Variants in LRP5 observed in about 807,000 individuals in gnomAD.
The protein encoded by LRP5 is low-density lipoprotein receptor-related protein 5.
A neutral mutation model predicts 154.1 loss-of-function variants in LRP5; 62 were observed. That is an observed-to-expected ratio of 0.40 (90% CI 0.33 to 0.50). LRP5 has a LOEUF of 0.50. LRP5 is among the 20% of genes least tolerant of loss of function. LRP5 has a pLI of 0.55. For missense variants in LRP5, 1,915 were observed against 2,336.7 expected, an observed-to-expected ratio of 0.82 and a Z score of 3.72; for synonymous variants, 966 against 1,011.5, an observed-to-expected ratio of 0.96 and a Z score of 0.85.
At chr11:68,332,836 A>G (rs2098603653) in intron 1 of LRP5, among the ~76,000 whole-genome samples, 1 of 152,020 alleles carries the variant, frequency 6.6e-6, no homozygotes, top group Admixed American at 6.5e-5. Flanking sequence ...TGGGATATAG[A>G]TGGTTCAGCC....
rs901824 is a variant in LRP5 at position 68,438,705 on chromosome 11, T to C, written c.4348+23T>C. On this transcript the variant is annotated intron_variant, in intron 20 of 22. Coordinates refer to ENST00000294304, the MANE Select transcript of LRP5 (RefSeq NM_002335.4). Reference sequence around the variant, plus strand: ...CAGGTAAGGAGCCTGAGATATGGAATGATCTGGAGGAGGCAGGAGAGTAGT... The same window carrying C: ...CAGGTAAGGAGCCTGAGATATGGAACGATCTGGAGGAGGCAGGAGAGTAGT... The C allele has an allele frequency of 0.086, 138,062 of 1,602,452 alleles. 6,438 individuals carry two copies. Among genetic ancestry groups the C allele is most frequent in the African/African-American group, 0.15 (11,273 of 74,890 alleles).
At chr11:68,409,254 TAAAATATATAATATA>T (rs1214325372) in intron 9 of LRP5, among the ~76,000 whole-genome samples, 2 of 140,562 alleles carry the variant, frequency 1.4e-5, no homozygotes, top group Non-Finnish European at 3.1e-5. Context: ...TAATATATAA[TAAAATATATAATATA>T]AAAATATATA....
chr11:68,397,248 C>T lies in LRP5; in HGVS notation c.1585-6235C>T, dbSNP rs568712953. Among the ~76,000 whole-genome samples the T allele has an allele frequency of 4.0e-3, 609 of 152,292 alleles. 8 individuals are homozygous for T. The highest frequency in any genetic ancestry group is 0.012 in the African/African-American group (498 of 41,578). Reference sequence around the variant, plus strand: ...CTCTGCCCTGCCCTTCTCCCCTCTACCCTGCCCTTCTCTCCTCTGCCCCGC... The same window carrying T: ...CTCTGCCCTGCCCTTCTCCCCTCTATCCTGCCCTTCTCTCCTCTGCCCCGC... On this transcript the variant is annotated intron_variant, in intron 7 of 22. Coordinates refer to ENST00000294304, the MANE Select transcript of LRP5 (RefSeq NM_002335.4).
intron 7 of LRP5, among the ~76,000 whole-genome samples, chr11:68,402,470 A>G (rs1355512364): frequency 6.6e-6 from 1 of 152,238 alleles, no homozygotes; most frequent in African/African-American, 2.4e-5. Flanking sequence ...ACTTAGAACC[A>G]GAAGTGCCCT....
intron 2 of LRP5, among the ~76,000 whole-genome samples, chr11:68,349,696 C>T (rs1019299410): frequency 4.6e-5 from 7 of 152,106 alleles, no homozygotes; most frequent in Non-Finnish European, 8.8e-5. Flanking sequence ...AGTCGAAGTC[C>T]GGGGTGGAGA....
At chr11:68,363,970 G>A (rs753612078) in intron 4 of LRP5, 27 bp downstream of exon 4, 6 of 1,441,310 alleles carry the variant, frequency 4.2e-6, no homozygotes, top group South Asian at 1.3e-5. Context: ...GCGCGGGGGC[G>A]AGGGTGCGGG....
chr11:68,315,100 G>A (rs1283870448), intron 1 of LRP5, among the ~76,000 whole-genome samples: 1 of 152,188 alleles, frequency 6.6e-6, no homozygotes, highest in African/African-American at 2.4e-5. Context: ...TGGGGGTGGA[G>A]GGGTTTGGGG....
intron 7 of LRP5, among the ~76,000 whole-genome samples, chr11:68,398,242 G>A (rs1045298099): frequency 6.6e-6 from 1 of 152,166 alleles, no homozygotes; most frequent in East Asian, 1.9e-4. Context: ...CACAGCAGGC[G>A]ACTGTCCAGA....
At chr11:68,306,969 C>G in the LRP5 span, among the ~76,000 whole-genome samples, 1 of 152,202 alleles carries the variant, frequency 6.6e-6, no homozygotes. Flanking sequence ...TCACAATTTA[C>G]ATGAATGCAG....
chr11:68,431,619 G>A (rs546012462), intron 17 of LRP5, among the ~76,000 whole-genome samples: 140 of 152,264 alleles, frequency 9.2e-4, no homozygotes, highest in African/African-American at 3.2e-3. Context: ...GGGCCGCGGG[G>A]TGCTGCCTCA....
intron 1 of LRP5, among the ~76,000 whole-genome samples, chr11:68,318,254 C>T (rs2098594602): frequency 6.6e-6 from 1 of 151,712 alleles, no homozygotes; most frequent in African/African-American, 2.4e-5. Context: ...CGGGGTTTCA[C>T]CGTGTTAGCC....
rs549338044 is a variant in LRP5 at position 68,401,665 on chromosome 11, G to A, written c.1585-1818G>A. Among the ~76,000 whole-genome samples the A allele has an allele frequency of 7.2e-5, 11 of 152,230 alleles. No individual in the cohort carries two copies. The East Asian group carries it at 1.9e-3, about 27-fold the overall frequency. On this transcript the variant is annotated intron_variant, in intron 7 of 22. Transcript: ENST00000294304. ...GCGGGGCCTGGCTTTGGGTCCCAGAGCTTCCAGTCCCCTTCCCGCTCTCCT... is the reference window on the plus strand; with the variant it reads ...GCGGGGCCTGGCTTTGGGTCCCAGAACTTCCAGTCCCCTTCCCGCTCTCCT...
At chr11:68,371,453 G>A (rs1437519012) in intron 5 of LRP5, among the ~76,000 whole-genome samples, 1 of 152,212 alleles carries the variant, frequency 6.6e-6, no homozygotes. Flanking sequence ...GGCAGCCTGG[G>A]GCTTTAGTAT....
chr11:68,389,863 C>T lies in LRP5; in HGVS notation c.1413-18C>T. The stretch of plus-strand genomic sequence containing the variant: ...CCAGACAGACTCATGGGGTCATGGA[C>T]TTCTGCTTCTTCTCCAGCCTCATGT... On this transcript the variant is annotated intron_variant, in intron 6 of 22. Transcript: ENST00000294304. 3 of 1,614,218 alleles carry T rather than the reference C, an allele frequency of 1.9e-6. No individual in the cohort carries two copies. The highest frequency in any genetic ancestry group is 2.5e-6 in the Non-Finnish European group (3 of 1,180,012).
rs201539068 is a variant in LRP5 at position 68,386,484 on chromosome 11, G to A, written c.1184G>A (p.Arg395Gln). 8.1e-6 allele frequency: 13 copies of A among 1,613,918 alleles called. No homozygotes were observed. Among genetic ancestry groups the A allele is most frequent in the South Asian group, 2.2e-5 (2 of 91,082 alleles). Reference sequence around the variant, plus strand: ...GTCTACTGGACAGATGACGAGGTGCGGGCCATCCGCAGGGCGTACCTGGAC... The same window carrying A: ...GTCTACTGGACAGATGACGAGGTGCAGGCCATCCGCAGGGCGTACCTGGAC... ...GYVYWTDDEV[R>Q]AIRRAYLDGS... The change falls in exon 6 of 23, where the codon CGG becomes CAG. Residue 395 changes from arginine to glutamine, a missense_variant. Arg to Gln is a conservative substitution (Grantham distance 43). Around this residue, in one of 3 missense-constraint regions of LRP5, gnomAD observed 773 missense variants for 1,100.9 expected, o/e 0.70. Transcript: ENST00000294304. This position sits in a 1 kb window ranked among gnomAD's most constrained non-coding sequence, Gnocchi z 7.9.
In LRP5 at chr11:68,353,611, T is replaced by A. The variant is rs1303845308; in HGVS notation, c.489-4039T>A. Among the ~76,000 whole-genome samples, 1 of 152,164 alleles carries A rather than the reference T, an allele frequency of 6.6e-6. No homozygotes were observed. The highest frequency in any genetic ancestry group is 1.5e-5 in the Non-Finnish European group (1 of 68,010). The stretch of plus-strand genomic sequence containing the variant: ...CAGTGGAGGGTGGGTTTGTCCTCTG[T>A]CCTGGCCACAGGCACACGGTTGCGA... On this transcript the variant is annotated intron_variant, in intron 2 of 22. Coordinates refer to ENST00000294304, the MANE Select transcript of LRP5 (RefSeq NM_002335.4). The surrounding 1 kb of genome is among the most constrained non-coding windows in gnomAD (Gnocchi z 4.5).
chr11:68,343,459 T>C (rs1161100436), intron 1 of LRP5, among the ~76,000 whole-genome samples: 1 of 152,118 alleles, frequency 6.6e-6, no homozygotes, highest in Non-Finnish European at 1.5e-5. Context: ...AATTTCAGCC[T>C]GGGTGGATCA....
At chr11:68,438,222 G>A (rs1043201737) in intron 19 of LRP5, among the ~76,000 whole-genome samples, 49 of 152,146 alleles carry the variant, frequency 3.2e-4, no homozygotes, top group Non-Finnish European at 2.9e-5. Context: ...GTCGGACAGC[G>A]GCGGGGGTCA....
At position 68,423,363 on chromosome 11, in the gene LRP5, G is replaced by C; in HGVS notation, c.3028-126G>C. On this transcript the variant is annotated intron_variant, in intron 13 of 22. Coordinates refer to ENST00000294304, the MANE Select transcript of LRP5 (RefSeq NM_002335.4). The surrounding 1 kb of genome is among the most constrained non-coding windows in gnomAD (Gnocchi z 4.7). ...GCCAGAGCTCTCCAGCCAGTGCCCA[G>C]GGCTCTCCAGCCAGTGCCCGGGGGT... 1 of 858,316 alleles carries C rather than the reference G, an allele frequency of 1.2e-6. No individual in the cohort carries two copies. The highest frequency in any genetic ancestry group is 2.0e-6 in the Non-Finnish European group (1 of 500,572). 53.2% of individuals were successfully genotyped at this position (858,316 alleles called of 1,614,324 possible). A position where few individuals can be genotyped will look rare whatever the true frequency, so the allele number is the denominator to read the frequency against.
Sources: allele counts gnomAD v4.1 joint callset (sites outside exome capture counted in the v4.1 genomes callset), GRCh38; gene constraint gnomAD v4.1.1; regional missense constraint gnomAD v4.1.1; non-coding constraint Gnocchi (gnomAD v3.1); transcripts MANE v1.5; gene names NCBI Gene and HGNC (gene_info 2026-07-23, HGNC 2026-07-21).